The following GRID2 variants were observed in gnomAD, a reference collection of about 807,000 sequenced individuals.
GRID2 encodes the protein glutamate receptor ionotropic, delta-2.
A neutral mutation model predicts 114.8 loss-of-function variants in GRID2; 33 were observed. The ratio of observed to expected loss-of-function variants is 0.29; its 90% confidence interval spans 0.22 to 0.38. The LOEUF (loss-of-function observed/expected upper bound fraction) is 0.38, where lower values mean the gene tolerates loss of function less well. GRID2 is among the 10% of genes least tolerant of loss of function. The pLI is 1.00. For synonymous variants in GRID2, 505 were observed against 449.9 expected (o/e 1.12, Z -1.55); for missense variants, 1,184 against 1,257.7 (o/e 0.94, Z 0.89).
At chr4:92,798,233 A>G (rs1739985400) in intron 2 of GRID2, among the ~76,000 whole-genome samples, 1 of 152,044 alleles carries the variant, frequency 6.6e-6, no homozygotes. Context: ...CATATTTTGT[A>G]AGACCTTGCC....
intron 1 of GRID2, among the ~76,000 whole-genome samples, chr4:92,533,745 A>T (rs1725471988): frequency 6.6e-6 from 1 of 152,100 alleles, no homozygotes; most frequent in Non-Finnish European, 1.5e-5. Context: ...ATCCGAATAA[A>T]CTATTTACTA....
At chr4:93,474,094 A>T (rs1243877100) in intron 11 of GRID2, among the ~76,000 whole-genome samples, 1 of 152,118 alleles carries the variant, frequency 6.6e-6, no homozygotes, top group Admixed American at 6.6e-5. Flanking sequence ...AAAAAAGAAA[A>T]TATAAAAACA....
intron 8 of GRID2, among the ~76,000 whole-genome samples, chr4:93,329,269 T>C (rs1218573254): frequency 6.6e-6 from 1 of 152,180 alleles, no homozygotes. Flanking sequence ...ATTGACATTA[T>C]GACTATTAGA....
At chr4:93,631,880 G>T (rs547082587) in intron 14 of GRID2, among the ~76,000 whole-genome samples, 2 of 152,268 alleles carry the variant, frequency 1.3e-5, no homozygotes, top group South Asian at 4.1e-4. Context: ...AGTACCTGTT[G>T]TTTCCTGACT....
chr4:92,507,866 T>C (rs1724053746), intron 1 of GRID2, among the ~76,000 whole-genome samples: 1 of 151,914 alleles, frequency 6.6e-6, no homozygotes, highest in South Asian at 2.1e-4. Flanking sequence ...AGTGCCATGT[T>C]TGTAGCAAGC....
intron 9 of GRID2, among the ~76,000 whole-genome samples, chr4:93,403,153 T>A (rs1766068495): frequency 6.6e-6 from 1 of 152,106 alleles, no homozygotes; most frequent in Non-Finnish European, 1.5e-5. Flanking sequence ...AGTTAATAAA[T>A]AATAAAGTTT....
At chr4:92,662,023 A>G (rs1372531942) in intron 2 of GRID2, among the ~76,000 whole-genome samples, 1 of 151,062 alleles carries the variant, frequency 6.6e-6, no homozygotes, top group East Asian at 1.9e-4. Flanking sequence ...GGATGCCCAC[A>G]GTTTATGTCT....
At chr4:92,776,375 T>C (rs1028107073) in intron 2 of GRID2, among the ~76,000 whole-genome samples, 1 of 152,068 alleles carries the variant, frequency 6.6e-6, no homozygotes, top group Non-Finnish European at 1.5e-5. Flanking sequence ...CAGTAATTAT[T>C]TTCCTTTGAC....
At chr4:93,468,803 A>G (rs927548177) in intron 11 of GRID2, among the ~76,000 whole-genome samples, 2 of 152,124 alleles carry the variant, frequency 1.3e-5, no homozygotes, top group Non-Finnish European at 2.9e-5. Context: ...GGCATTGACA[A>G]ACTTTTCTAG....
chr4:92,613,955 G>A (rs1729878635), intron 2 of GRID2, among the ~76,000 whole-genome samples: 1 of 151,334 alleles, frequency 6.6e-6, no homozygotes, highest in Admixed American at 6.6e-5. Context: ...ACATAGTGAT[G>A]TTGAGATACA....
intron 2 of GRID2, among the ~76,000 whole-genome samples, chr4:92,991,575 C>T (rs1178154529): frequency 6.6e-6 from 1 of 152,052 alleles, no homozygotes; most frequent in Non-Finnish European, 1.5e-5. Context: ...AAGCAGTAAA[C>T]AAAGTTAAAG....
rs147271407 is a variant in GRID2, at chr4:93,711,933, A to G, written c.2361-57277A>G. ...GATAGTTGTACCGTTTGGTATTCCT[A>G]TGGTGGGGACAGTTGCTGGAAGGTT... On this transcript the variant is annotated intron_variant, in intron 14 of 15. Transcript: ENST00000282020. Among the ~76,000 whole-genome samples, 705 of 152,210 alleles carry G rather than the reference A, an allele frequency of 4.6e-3. 6 individuals carry two copies. Among genetic ancestry groups the G allele is most frequent in the African/African-American group, 0.016 (662 of 41,520 alleles).
At chr4:92,898,936 A>G (rs929927012) in intron 2 of GRID2, among the ~76,000 whole-genome samples, 6 of 152,286 alleles carry the variant, frequency 3.9e-5, no homozygotes, top group African/African-American at 1.4e-4. Context: ...TTAATTTTGT[A>G]TAGACTTTTC....
chr4:92,459,941 C>G (rs1424830251), intron 1 of GRID2, among the ~76,000 whole-genome samples: 3 of 148,672 alleles, frequency 2.0e-5, no homozygotes, highest in Non-Finnish European at 4.5e-5. Context: ...AACTGTCACT[C>G]TTTCCTGGGT....
At chr4:92,360,700 A>G (rs1399646723) in intron 1 of GRID2, among the ~76,000 whole-genome samples, 1 of 151,892 alleles carries the variant, frequency 6.6e-6, no homozygotes, top group Non-Finnish European at 1.5e-5. Context: ...TATACTAGGT[A>G]GAGAGTGGAA....
intron 2 of GRID2, among the ~76,000 whole-genome samples, chr4:93,033,009 T>C (rs1724578522): frequency 6.6e-6 from 1 of 152,216 alleles, no homozygotes; most frequent in Non-Finnish European, 1.5e-5. Flanking sequence ...ACAACTTGTG[T>C]CAAATGACAT....
chr4:93,600,999 A>T (rs763763471), intron 13 of GRID2, among the ~76,000 whole-genome samples: 1 of 152,218 alleles, frequency 6.6e-6, no homozygotes, highest in African/African-American at 2.4e-5. Flanking sequence ...AATCAGAGCA[A>T]TAGTGCCCAG....
At chr4:92,470,541 T>C (rs1272128567) in intron 1 of GRID2, among the ~76,000 whole-genome samples, 2 of 152,006 alleles carry the variant, frequency 1.3e-5, no homozygotes, top group Non-Finnish European at 2.9e-5. Flanking sequence ...CCTTCTTTAA[T>C]AGACACTATA....
At chr4:93,393,411 T>A (rs1765039915) in intron 8 of GRID2, among the ~76,000 whole-genome samples, 1 of 151,924 alleles carries the variant, frequency 6.6e-6, no homozygotes, top group Admixed American at 6.6e-5. Flanking sequence ...GAGAAATTAT[T>A]GTCTTGTAAT....
Sources: allele counts gnomAD v4.1 joint callset (sites outside exome capture counted in the v4.1 genomes callset), GRCh38; gene constraint gnomAD v4.1.1; transcripts MANE v1.5; gene names NCBI Gene and HGNC (gene_info 2026-07-23, HGNC 2026-07-21).